The following MYH11 variants were observed in gnomAD, a reference collection of about 807,000 sequenced individuals.
The protein encoded by MYH11 is myosin-11.
Under a neutral mutation model 246.6 loss-of-function variants are expected in MYH11, and 80 were observed. The observed-to-expected ratio is 0.32, with a 90% CI of 0.27 to 0.39. MYH11 has a LOEUF of 0.39. Ranked by LOEUF, MYH11 falls within the 10% of genes least tolerant of loss-of-function variation. MYH11 has a pLI of 1.00. For missense variants in MYH11, 2,158 were observed against 2,546.8 expected, an observed-to-expected ratio of 0.85 and a Z score of 3.29; for synonymous variants, 1,071 against 1,015.5, an observed-to-expected ratio of 1.05 and a Z score of -1.04.
chr16:15,717,670 C>T (rs2040235765), intron 37 of MYH11: 3 of 436,304 alleles, frequency 6.9e-6, no homozygotes, highest in African/African-American at 5.9e-5. Flanking sequence ...GTGGCACGTG[C>T]CTGTAGTCCC....
chr16:15,723,463 A>G (rs560594855), intron 31 of MYH11, among the ~76,000 whole-genome samples: 17 of 152,310 alleles, frequency 1.1e-4, no homozygotes, highest in African/African-American at 4.1e-4. Flanking sequence ...CCTGGACAAC[A>G]TGGCAAAACC....
Position 15,741,676 on chromosome 16 carries a change from G to A in MYH11, c.2653-7C>T, listed in dbSNP as rs372698538. The A allele has an allele frequency of 3.3e-5, 54 of 1,613,812 alleles. 2 individuals carry two copies. The South Asian group carries it at 3.7e-4, about 11-fold the overall frequency. Reference sequence around the variant, plus strand: ...GGTTCTTCTCCTCGGTCAGCTGCACGCAGGTGGTGGGGAGGAGGCGGGTGA... The same window carrying A: ...GGTTCTTCTCCTCGGTCAGCTGCACACAGGTGGTGGGGAGGAGGCGGGTGA... On this transcript the variant is annotated splice_region_variant and splice_polypyrimidine_tract_variant and intron_variant, in intron 21 of 40. Coordinates refer to ENST00000300036, the MANE Select transcript of MYH11 (RefSeq NM_002474.3).
At chr16:15,830,007 T>C (rs216167) in intron 2 of MYH11, among the ~76,000 whole-genome samples, 39,431 of 151,932 alleles carry the variant, frequency 0.26, 5,416 homozygotes, top group South Asian at 0.35. Flanking sequence ...TGGTGGCGCG[T>C]GCCTGTAATC....
chr16:15,824,035 T>C (rs2043490205), intron 2 of MYH11, among the ~76,000 whole-genome samples: 2 of 152,182 alleles, frequency 1.3e-5, no homozygotes, highest in African/African-American at 4.8e-5. Flanking sequence ...CACCGTTCAT[T>C]GAGCACTTAC....
chr16:15,752,091 C>T (rs2041588665), intron 15 of MYH11, among the ~76,000 whole-genome samples: 1 of 151,966 alleles, frequency 6.6e-6, no homozygotes, highest in Admixed American at 6.6e-5. Context: ...CATGCGCAGC[C>T]TCATGCTTGT....
In MYH11 at chr16:15,717,351, G is replaced by C. The variant is rs370866058; in HGVS notation, c.5296-3C>G. 7.5e-6 allele frequency: 12 copies of C among 1,605,198 alleles called. No individual in the cohort carries two copies. The African/African-American group carries it at 1.1e-4, about 14-fold the overall frequency. ...AGCTCGTTGCTGAGCTGCTCGGCCT[G>C]GGGAGGAGAGTGAAGGCCATGAGGC... On this transcript the variant is annotated splice_region_variant and splice_polypyrimidine_tract_variant and intron_variant, in intron 37 of 40. Coordinates refer to ENST00000300036, the MANE Select transcript of MYH11 (RefSeq NM_002474.3).
intron 5 of MYH11, 149 bp from the exon 6 acceptor site, chr16:15,782,626 G>T: frequency 1.5e-6 from 1 of 658,696 alleles, no homozygotes; most frequent in Non-Finnish European, 2.7e-6. Flanking sequence ...CTAATGTTCA[G>T]ATTTACAGGA....
chr16:15,724,622 G>A (rs767544171), intron 30 of MYH11, 25 bp downstream of exon 30: 21 of 1,613,436 alleles, frequency 1.3e-5, no homozygotes, highest in Non-Finnish European at 1.7e-5. Context: ...GACCCATGAA[G>A]GAAGCAAGGA....
At chr16:15,714,805 C>A (rs142289567) in intron 40 of MYH11, 104 bp downstream of exon 40, 8 of 1,380,726 alleles carry the variant, frequency 5.8e-6, no homozygotes, top group Non-Finnish European at 8.1e-6. Flanking sequence ...AAGGGAGTGG[C>A]GGCTGTGGGC....
intron 4 of MYH11, 120 bp downstream of exon 4, chr16:15,798,540 C>T: frequency 9.5e-7 from 1 of 1,055,390 alleles, no homozygotes. Context: ...CACTTGGAAC[C>T]ATGAACAAAT....
chr16:15,759,674 A>G lies in MYH11; in HGVS notation c.1303T>C (p.Trp435Arg), dbSNP rs2151277266. The G allele has an allele frequency of 6.2e-7, 1 of 1,614,210 alleles. No individual in the cohort carries two copies. Among genetic ancestry groups the G allele is most frequent in the Middle Eastern group, 1.6e-4 (1 of 6,062 alleles). Reference sequence around the variant, plus strand: ...GCTTTGTTCACGCGGGTGAGTATCCAGCGGAAAAGGCGCTCATATGTTGCC... The same window carrying G: ...GCTTTGTTCACGCGGGTGAGTATCCGGCGGAAAAGGCGCTCATATGTTGCC... ...AKATYERLFR[W>R]ILTRVNKALD... The change falls in exon 12 of 41, where the codon TGG becomes CGG. Residue 435 changes from tryptophan to arginine, a missense_variant. Physicochemically the swap from Trp to Arg is moderately radical, Grantham distance 101 (BLOSUM62 -3). Coordinates refer to ENST00000300036, the MANE Select transcript of MYH11 (RefSeq NM_002474.3).
intron 33 of MYH11, 53 bp downstream of exon 33, chr16:15,720,786 G>A: frequency 6.4e-7 from 1 of 1,561,268 alleles, no homozygotes; most frequent in Non-Finnish European, 8.8e-7. Context: ...GTGGTGATAG[G>A]AATGAAAAAG....
chr16:15,763,741 T>TGGGGCCCCCCCCCCCCCCCCCC, intron 10 of MYH11, 55 bp downstream of exon 10: 2 of 646,856 alleles, frequency 3.1e-6, no homozygotes, highest in Admixed American at 2.1e-5. Context: ...AAATGTCACC[T>TGGGGCCCCCCCCCCCCCCCCCC]CCCCCACCCC....
At chr16:15,730,260 A>G (rs2040921010) in intron 27 of MYH11, among the ~76,000 whole-genome samples, 1 of 151,570 alleles carries the variant, frequency 6.6e-6, no homozygotes. Context: ...AGGGTGGTGC[A>G]GTGGCTCACA....
rs746070372 is a variant in MYH11, at chr16:15,747,594, A to G, written c.2387T>C (p.Met796Thr). 4 of 1,613,890 alleles carry G rather than the reference A, an allele frequency of 2.5e-6. No individual in the cohort carries two copies. Among genetic ancestry groups the G allele is most frequent in the Non-Finnish European group, 3.4e-6 (4 of 1,179,982 alleles). Residue 796 changes from methionine (M) to threonine (T), a missense_variant, in exon 19 of 41, where the codon ATG becomes ACG. By Grantham distance (81) the Met-to-Thr change is moderately conservative. Around this residue, in one of 11 missense-constraint regions of MYH11, gnomAD observed 90 missense variants for 144.2 expected, o/e 0.62. Transcript: ENST00000300036. ...CTTTCTGGCCAAGTAGCCACGACAC[A>G]TCGCCTGGAAGGCCATGATGACATC... is the stretch of plus-strand genomic sequence containing the variant. Reference protein sequence around the residue: ...ITDVIMAFQAMCRGYLARKAF... With the variant: ...ITDVIMAFQATCRGYLARKAF...
At chr16:15,719,394 A>G in intron 35 of MYH11, 86 bp from the exon 36 acceptor site, 1 of 1,510,022 alleles carries the variant, frequency 6.6e-7, no homozygotes, top group Admixed American at 1.8e-5. Context: ...GCCACCCTTG[A>G]AAGTACATGT....
At chr16:15,832,232 T>C (rs2043759977) in intron 2 of MYH11, among the ~76,000 whole-genome samples, 1 of 152,082 alleles carries the variant, frequency 6.6e-6, no homozygotes, top group East Asian at 1.9e-4. Context: ...AAAATGTCCT[T>C]TGGGGTTCAT....
intron 2 of MYH11, among the ~76,000 whole-genome samples, chr16:15,836,595 T>C (rs146990540): frequency 0.014 from 2,101 of 152,092 alleles, 57 homozygotes; most frequent in African/African-American, 0.045. Flanking sequence ...AGACGGGGTT[T>C]TACCATGTTG....
At chr16:15,836,145 T>G (rs1203525309) in intron 2 of MYH11, among the ~76,000 whole-genome samples, 2 of 152,122 alleles carry the variant, frequency 1.3e-5, no homozygotes, top group East Asian at 1.9e-4. Context: ...AGCAAGGCCT[T>G]TCAGAGAGAA....
Sources: gnomAD v4.1 joint callset for allele counts (sites outside exome capture counted in the v4.1 genomes callset) on GRCh38, gnomAD v4.1.1 for gene constraint, gnomAD v4.1.1 regional missense constraint, MANE v1.5 for transcripts, NCBI Gene and HGNC (gene_info 2026-07-23, HGNC 2026-07-21) for gene names.